The following BPI variants were observed in gnomAD, a reference collection of about 807,000 sequenced individuals.
BPI encodes bactericidal permeability increasing protein.
In BPI, 48 loss-of-function variants were observed where a neutral mutation model predicts 57.6. The ratio of observed to expected loss-of-function variants is 0.83; its 90% CI spans 0.66 to 1.06. The LOEUF (loss-of-function observed/expected upper bound fraction) is 1.06. Ranked by LOEUF, BPI falls within the 50% of genes least tolerant of loss-of-function variation. BPI has a pLI of 0.00. For synonymous variants in BPI, 237 were observed against 238.2 expected, an observed-to-expected ratio of 0.99 and a Z score of 0.05; for missense variants, 651 against 609.7, an observed-to-expected ratio of 1.07 and a Z score of -0.71.
intron 11 of BPI, among the ~76,000 whole-genome samples, chr20:38,330,462 A>T (rs371276397): frequency 4.7e-4 from 71 of 152,266 alleles, no homozygotes; most frequent in African/African-American, 1.7e-3. Flanking sequence ...TTCCTCTGAG[A>T]TCACTGTTAA....
At chr20:38,311,847 T>A (rs1335444785) in intron 4 of BPI, 27 bp from the exon 5 acceptor site, 1 of 1,610,828 alleles carries the variant, frequency 6.2e-7, no homozygotes, top group Non-Finnish European at 8.5e-7. Context: ...AAAAGCCTCA[T>A]CTATGTCCCT....
chr20:38,320,763 C>T (rs1004681356), intron 7 of BPI, among the ~76,000 whole-genome samples: 4 of 151,036 alleles, frequency 2.6e-5, no homozygotes, highest in Admixed American at 6.6e-5. Context: ...TTGTTCACTA[C>T]CACATGTGCA....
intron 12 of BPI, among the ~76,000 whole-genome samples, chr20:38,333,267 G>T (rs1319101897): frequency 6.6e-6 from 1 of 151,982 alleles, no homozygotes; most frequent in African/African-American, 2.4e-5. Context: ...TAAGTTCCCA[G>T]GATTCATAGG....
intron 9 of BPI, 67 bp from the exon 10 acceptor site, chr20:38,326,197 AG>A (rs1367339683): frequency 6.7e-7 from 1 of 1,500,744 alleles, no homozygotes; most frequent in Non-Finnish European, 9.1e-7. Flanking sequence ...GGGCAGGCCA[AG>A]GTAGGATTCA....
At chr20:38,308,511 C>G (rs2076607051) in intron 2 of BPI, among the ~76,000 whole-genome samples, 1 of 152,206 alleles carries the variant, frequency 6.6e-6, no homozygotes, top group African/African-American at 2.4e-5. Flanking sequence ...ACACAGCAGG[C>G]TTTGGGGCTG....
chr20:38,311,731 G>T, intron 4 of BPI, 143 bp from the exon 5 acceptor site: 2 of 700,342 alleles, frequency 2.9e-6, no homozygotes, highest in Admixed American at 2.2e-5. Context: ...GTCTGATGGG[G>T]TGTGTGCAGT....
At chr20:38,312,280 A>C (rs2076625698) in intron 5 of BPI, among the ~76,000 whole-genome samples, 2 of 148,316 alleles carry the variant, frequency 1.3e-5, no homozygotes, top group Non-Finnish European at 3.0e-5. Context: ...CCTCCACCCC[A>C]CCCACCCCAA....
intron 12 of BPI, among the ~76,000 whole-genome samples, chr20:38,331,970 T>C (rs56966171): frequency 0.057 from 8,639 of 152,034 alleles, 314 homozygotes; most frequent in South Asian, 0.12. Context: ...AGGGAGGGCC[T>C]CTCCGAGGAG....
chr20:38,309,133 T>C, intron 3 of BPI, 75 bp downstream of exon 3: 1 of 1,598,384 alleles, frequency 6.3e-7, no homozygotes, highest in Admixed American at 1.7e-5. Flanking sequence ...TCAGCGTCTC[T>C]GGAATGCCCA....
Position 38,318,544 on chromosome 20 carries a change from G to T in BPI, c.664+68G>T, listed in dbSNP as rs1036705264. ...GGGAGGGGGTGAGGACGTCAGGGTG[G>T]ATGTGATGGGGCCGGCAAGTTTCCC... On this transcript the variant is annotated intron_variant, in intron 6 of 14. Coordinates refer to ENST00000642449, the MANE Select transcript of BPI (RefSeq NM_001725.3). The T allele has an allele frequency of 1.9e-6, 3 of 1,547,998 alleles. No homozygotes were observed. In the South Asian group the frequency reaches 3.3e-5, roughly 17 times the overall value.
At chr20:38,312,276 C>T (rs943914939) in intron 5 of BPI, among the ~76,000 whole-genome samples, 1 of 152,306 alleles carries the variant, frequency 6.6e-6, no homozygotes, top group Admixed American at 6.5e-5. Flanking sequence ...CCTCCCTCCA[C>T]CCCACCCACC....
Position 38,326,189 on chromosome 20 carries a change from G to T in BPI, c.994-76G>T, listed in dbSNP as rs1231367008. ...AGACATTGAAGGTATTTAAGTAGGG[G>T]CAGGCCAAGGTAGGATTCAGAAACA... On this transcript the variant is annotated intron_variant, in intron 9 of 14. Coordinates refer to ENST00000642449, the MANE Select transcript of BPI (RefSeq NM_001725.3). 4 of 1,438,800 alleles carry T rather than the reference G, an allele frequency of 2.8e-6. No homozygotes were observed. In the East Asian group the frequency reaches 9.4e-5, roughly 34 times the overall value. The allele number at this position is 1,438,800 out of a possible 1,614,324, so 89.1% of individuals were successfully genotyped here. A position where few individuals can be genotyped will look rare whatever the true frequency, so the allele number is the denominator to read the frequency against.
At chr20:38,336,665 A>T (rs2076768913) in intron 14 of BPI, among the ~76,000 whole-genome samples, 1 of 152,120 alleles carries the variant, frequency 6.6e-6, no homozygotes, top group African/African-American at 2.4e-5. Context: ...GGGCTGAGAG[A>T]CTGTAGAAAA....
intron 14 of BPI, 63 bp from the exon 15 acceptor site, chr20:38,337,083 G>C: frequency 6.5e-7 from 1 of 1,538,750 alleles, no homozygotes; most frequent in Non-Finnish European, 8.9e-7. Context: ...AACTCCAGTA[G>C]CTCCACACTC....
Position 38,329,143 on chromosome 20 carries a change from G to A in BPI, c.1229+1488G>A, listed in dbSNP as rs946297489. Among the ~76,000 whole-genome samples the A allele has an allele frequency of 2.0e-5, 3 of 152,296 alleles. No individual in the cohort carries two copies. In the Middle Eastern group the frequency reaches 0.01, roughly 518 times the overall value. On this transcript the variant is annotated intron_variant, in intron 11 of 14. Transcript: ENST00000642449. Reference sequence around the variant, plus strand: ...AGAGAAGGAGACAGACACAAAGGAAGGAAGGGAGGGGAGAGATGTAGAAAA... The same window carrying A: ...AGAGAAGGAGACAGACACAAAGGAAAGAAGGGAGGGGAGAGATGTAGAAAA...
At position 38,309,033 on chromosome 20, in the gene BPI, A is replaced by C. The variant is rs549880214; in HGVS notation, c.349A>C (p.Lys117Gln). 4.3e-6 allele frequency: 7 copies of C among 1,614,244 alleles called. No individual in the cohort carries two copies. In the South Asian group the frequency reaches 7.7e-5, roughly 18 times the overall value. ...ISNANIKISGKWKAQKRFLKM... is the reference protein window; with the variant it reads ...ISNANIKISGQWKAQKRFLKM... ...CAACGCCAATATCAAGATCAGCGGG[A>C]AATGGAAGGCACAAAAGAGATTCTT... Residue 117 changes from lysine (K) to glutamine (Q), a missense_variant, in exon 3 of 15, where the codon AAA becomes CAA. Transcript: ENST00000642449.
intron 12 of BPI, among the ~76,000 whole-genome samples, chr20:38,334,179 G>C (rs2076755588): frequency 1.3e-5 from 2 of 152,200 alleles, no homozygotes; most frequent in African/African-American, 4.8e-5. Flanking sequence ...GTAAGGCCTT[G>C]CACCTTACAA....
rs564907737 is a variant in BPI at position 38,308,304 on chromosome 20, C to A, written c.245+623C>A. Reference sequence around the variant, plus strand: ...GGCCGAGCCTAAGTTGCAAGCTCCACCCCCGAAGATGGACGTGAGGTCAAC... The same window carrying A: ...GGCCGAGCCTAAGTTGCAAGCTCCAACCCCGAAGATGGACGTGAGGTCAAC... On this transcript the variant is annotated intron_variant, in intron 2 of 14. Transcript: ENST00000642449. Among the ~76,000 whole-genome samples the A allele has an allele frequency of 2.8e-4, 42 of 151,812 alleles. No individual in the cohort carries two copies. In the South Asian group the frequency reaches 3.9e-3, roughly 14 times the overall value.
At chr20:38,323,543 G>A (rs207477548) in intron 7 of BPI, among the ~76,000 whole-genome samples, 2 of 152,204 alleles carry the variant, frequency 1.3e-5, no homozygotes, top group Admixed American at 1.3e-4. Flanking sequence ...TTAGGAGAAC[G>A]TTCACTGGAC....
Sources: allele counts gnomAD v4.1 joint callset (sites outside exome capture counted in the v4.1 genomes callset), GRCh38; gene constraint gnomAD v4.1.1; transcripts MANE v1.5; gene names NCBI Gene and HGNC (gene_info 2026-07-23, HGNC 2026-07-21).